The following DOCK8 variants were observed in gnomAD, a reference collection of about 807,000 sequenced individuals.
DOCK8 encodes dedicator of cytokinesis protein 8.
Under a neutral mutation model 245.6 loss-of-function variants are expected in DOCK8, and 141 were observed. The ratio of observed to expected loss-of-function variants is 0.57; its 90% CI spans 0.50 to 0.66. The LOEUF (loss-of-function observed/expected upper bound fraction) is 0.66, where lower values mean the gene tolerates loss of function less well. Among genes scored for constraint, DOCK8 ranks in the 30% least tolerant of loss-of-function variants. The pLI is 0.00. For missense variants in DOCK8, 2,965 were observed against 2,603.4 expected (o/e 1.14, Z -3.02); for synonymous variants, 1,168 against 970.2 (o/e 1.20, Z -3.79).
chr9:332,356 T>A (rs774620238), intron 9 of DOCK8, 42 bp from the exon 10 acceptor site: 1 of 1,353,920 alleles, frequency 7.4e-7, no homozygotes, highest in Non-Finnish European at 1.1e-6. Context: ...TTTTTATGGA[T>A]GTAATTTATG....
intron 46 of DOCK8, among the ~76,000 whole-genome samples, chr9:458,949 G>A (rs775392474): frequency 1.1e-4 from 17 of 152,180 alleles, no homozygotes; most frequent in East Asian, 1.9e-4. Flanking sequence ...TTCTGGAGGC[G>A]TAACTTCCTG....
chr9:393,054 C>A (rs1184345498), intron 24 of DOCK8, among the ~76,000 whole-genome samples: 1 of 135,882 alleles, frequency 7.4e-6, no homozygotes, highest in South Asian at 2.3e-4. Context: ...CCATTGCACT[C>A]CAGCCTGGGC....
chr9:361,177 A>G (rs904726483), intron 14 of DOCK8, among the ~76,000 whole-genome samples: 1 of 152,124 alleles, frequency 6.6e-6, no homozygotes, highest in South Asian at 2.1e-4. Context: ...CCAAAAAAAG[A>G]GGCTGTGACA....
chr9:383,490 C>A (rs1477517299), intron 22 of DOCK8, among the ~76,000 whole-genome samples: 3 of 152,076 alleles, frequency 2.0e-5, no homozygotes, highest in Admixed American at 6.6e-5. Context: ...CAAGATTGTG[C>A]CATTTCACTC....
chr9:298,357 G>A (rs941936091), intron 4 of DOCK8, among the ~76,000 whole-genome samples: 13 of 152,266 alleles, frequency 8.5e-5, no homozygotes, highest in African/African-American at 2.6e-4. Context: ...CTCGGGAGGC[G>A]GAGGTTGCAG....
rs1466114385 is a variant in DOCK8, at chr9:428,470, G to A, written c.4447G>A (p.Ala1483Thr). The A allele has an allele frequency of 1.2e-6, 2 of 1,614,154 alleles. No individual in the cohort carries two copies. Among genetic ancestry groups the A allele is most frequent in the African/African-American group, 1.3e-5 (1 of 75,032 alleles). The change falls in exon 35 of 48, where the codon GCA becomes ACA. Residue 1483 changes from alanine to threonine, a missense_variant. By Grantham distance (58) the Ala-to-Thr change is moderately conservative. Around this residue, in one of 3 missense-constraint regions of DOCK8, gnomAD observed 2,825 missense variants for 2,453.5 expected, o/e 1.15. Transcript: ENST00000432829. The part of the protein sequence containing the change: ...QSTTYLTHCF[A>T]TLRALIAKFG... ...TACCACCTACCTGACTCACTGCTTTGCAACACTCCGTGCTCTCATCGCCAA... is the reference window on the plus strand; with the variant it reads ...TACCACCTACCTGACTCACTGCTTTACAACACTCCGTGCTCTCATCGCCAA...
intron 1 of DOCK8, among the ~76,000 whole-genome samples, chr9:264,866 C>T (rs1158666481): frequency 6.6e-6 from 1 of 152,194 alleles, no homozygotes; most frequent in Non-Finnish European, 1.5e-5. Flanking sequence ...TGATCTAACC[C>T]TTTGATAGCT....
At chr9:437,819 C>T (rs1056608658) in intron 39 of DOCK8, among the ~76,000 whole-genome samples, 45 of 152,204 alleles carry the variant, frequency 3.0e-4, no homozygotes, top group African/African-American at 1.0e-3. Flanking sequence ...GATACGGACA[C>T]ATTCTTAGAT....
chr9:402,940 A>G (rs2055182538), intron 26 of DOCK8, among the ~76,000 whole-genome samples: 1 of 152,182 alleles, frequency 6.6e-6, no homozygotes, highest in Non-Finnish European at 1.5e-5. Context: ...CCCAGGCCAG[A>G]GTGCAGTGGC....
In DOCK8 at chr9:286,151, G is replaced by C. The variant is rs142330793; in HGVS notation, c.157-310G>C. Among the ~76,000 whole-genome samples the C allele has an allele frequency of 0.011, 1,743 of 152,242 alleles. 21 individuals are homozygous for C. Among genetic ancestry groups the C allele is most frequent in the Non-Finnish European group, 0.019 (1,284 of 68,010 alleles). ...TTGCGGGAGAAATTATAAAAATTCA[G>C]CAAAGCTTTGTGATCTCATTTTGGA... On this transcript the variant is annotated intron_variant, in intron 2 of 47. Transcript: ENST00000432829.
At chr9:359,453 A>G (rs1185357015) in intron 14 of DOCK8, among the ~76,000 whole-genome samples, 1 of 152,234 alleles carries the variant, frequency 6.6e-6, no homozygotes, top group East Asian at 1.9e-4. Context: ...GTAAGAATGA[A>G]ATAATGTTAG....
intron 24 of DOCK8, 116 bp from the exon 25 acceptor site, chr9:396,669 A>G: frequency 7.1e-7 from 1 of 1,416,794 alleles, no homozygotes; most frequent in Non-Finnish European, 1.0e-6. Context: ...CAGCACAGAT[A>G]AAGTGTCAGA....
chr9:435,594 T>A (rs572701223), intron 39 of DOCK8, among the ~76,000 whole-genome samples: 5 of 152,306 alleles, frequency 3.3e-5, no homozygotes, highest in Non-Finnish European at 7.3e-5. Context: ...TTCAACTTTA[T>A]AGGGGCCCAC....
intron 39 of DOCK8, among the ~76,000 whole-genome samples, chr9:437,757 G>C (rs1008660968): frequency 6.6e-6 from 1 of 152,214 alleles, no homozygotes; most frequent in African/African-American, 2.4e-5. Context: ...CCAGGAAACT[G>C]AGATCACTGA....
intron 28 of DOCK8, among the ~76,000 whole-genome samples, chr9:409,025 C>T (rs12351501): frequency 0.015 from 2,319 of 152,278 alleles, 59 homozygotes; most frequent in African/African-American, 0.052. Context: ...TCATTAGATA[C>T]ACTGTCACAA....
At chr9:424,250 G>A (rs1034975574) in intron 33 of DOCK8, among the ~76,000 whole-genome samples, 47 of 152,096 alleles carry the variant, frequency 3.1e-4, no homozygotes, top group African/African-American at 1.1e-3. Context: ...CACCTGGGGA[G>A]CTTTAAAACC....
chr9:247,559 A>T (rs1351320600), intron 1 of DOCK8, among the ~76,000 whole-genome samples: 1 of 151,958 alleles, frequency 6.6e-6, no homozygotes. Flanking sequence ...TTTGAGAGGG[A>T]GTCTCGCTCT....
chr9:275,735 T>C (rs2048321028), intron 2 of DOCK8, among the ~76,000 whole-genome samples: 1 of 151,706 alleles, frequency 6.6e-6, no homozygotes, highest in South Asian at 2.1e-4. Context: ...AATACAGGCG[T>C]GCACCACCAC....
chr9:372,617 TA>T (rs759296072), intron 18 of DOCK8, among the ~76,000 whole-genome samples: 170 of 152,296 alleles, frequency 1.1e-3, no homozygotes, highest in South Asian at 1.0e-3. Context: ...AGGATCCTTA[TA>T]AAAGATTCCC....
Sources: gnomAD v4.1 joint callset for allele counts (sites outside exome capture counted in the v4.1 genomes callset) on GRCh38, gnomAD v4.1.1 for gene constraint, gnomAD v4.1.1 regional missense constraint, MANE v1.5 for transcripts, NCBI Gene and HGNC (gene_info 2026-07-23, HGNC 2026-07-21) for gene names.